Variants in GLG1 observed in about 807,000 individuals in gnomAD.
The protein encoded by GLG1 is golgi glycoprotein 1.
A neutral mutation model predicts 160.5 loss-of-function variants in GLG1; 38 were observed. That is an observed-to-expected ratio of 0.24 (90% CI 0.18 to 0.31). GLG1 has a LOEUF of 0.31. GLG1 is among the 10% of genes least tolerant of loss of function. GLG1 has a pLI of 1.00. For synonymous variants in GLG1, 644 were observed against 543.4 expected (o/e 1.19, Z -2.57); for missense variants, 1,373 against 1,505.2 (o/e 0.91, Z 1.45).
chr16:74,484,026 A>G (rs550902085), intron 9 of GLG1, among the ~76,000 whole-genome samples: 1 of 88,004 alleles, frequency 1.1e-5, no homozygotes, highest in Admixed American at 1.1e-4. Context: ...AGGTTAACTG[A>G]TAAGTATCTT....
intron 1 of GLG1, among the ~76,000 whole-genome samples, chr16:74,604,592 T>C (rs1718012098): frequency 6.6e-6 from 1 of 152,258 alleles, no homozygotes; most frequent in South Asian, 2.1e-4. Flanking sequence ...CACTATCAAA[T>C]AGTTCTACTT....
At chr16:74,550,787 T>A (rs1333087660) in intron 1 of GLG1, among the ~76,000 whole-genome samples, 1 of 152,132 alleles carries the variant, frequency 6.6e-6, no homozygotes, top group Non-Finnish European at 1.5e-5. Flanking sequence ...ATACTATAAA[T>A]ATAAAGGTGA....
At chr16:74,479,983 T>C (rs1044830410) in intron 11 of GLG1, among the ~76,000 whole-genome samples, 1 of 149,138 alleles carries the variant, frequency 6.7e-6, no homozygotes. Context: ...GTGATTCAGA[T>C]TTTGGGAATT....
intron 1 of GLG1, among the ~76,000 whole-genome samples, chr16:74,555,551 G>A (rs1296734147): frequency 1.3e-5 from 2 of 151,938 alleles, no homozygotes; most frequent in Non-Finnish European, 2.9e-5. Context: ...TTGGCCAGGT[G>A]TGGTGGTGTG....
chr16:74,520,251 T>G (rs1380550656), intron 2 of GLG1, among the ~76,000 whole-genome samples: 1 of 152,200 alleles, frequency 6.6e-6, no homozygotes, highest in African/African-American at 2.4e-5. Context: ...TGCTTTTCTC[T>G]CAGGCTGATT....
chr16:74,477,695 C>G (rs991404529), intron 11 of GLG1, among the ~76,000 whole-genome samples, 162 bp from the exon 12 acceptor site: 5 of 152,088 alleles, frequency 3.3e-5, no homozygotes, highest in African/African-American at 1.2e-4. Context: ...ATGTTGCGGC[C>G]AGGTGCGGTG....
At chr16:74,594,595 G>T (rs144776114) in intron 1 of GLG1, among the ~76,000 whole-genome samples, 2,983 of 152,188 alleles carry the variant, frequency 0.02, 37 homozygotes, top group Non-Finnish European at 0.03. Flanking sequence ...TCTATCTAAG[G>T]CAACCAAAAT....
chr16:74,594,700 C>T (rs984253498), intron 1 of GLG1, among the ~76,000 whole-genome samples: 2 of 152,052 alleles, frequency 1.3e-5, no homozygotes, highest in African/African-American at 4.8e-5. Flanking sequence ...ATTAGGCATT[C>T]GGAAGATGAA....
At chr16:74,524,697 G>C (rs1229261806) in intron 2 of GLG1, among the ~76,000 whole-genome samples, 1 of 152,174 alleles carries the variant, frequency 6.6e-6, no homozygotes, top group Non-Finnish European at 1.5e-5. Flanking sequence ...ATTTGAAGCT[G>C]TATGGTGATT....
chr16:74,588,606 A>G (rs1394090111), intron 1 of GLG1, among the ~76,000 whole-genome samples: 1 of 151,948 alleles, frequency 6.6e-6, no homozygotes, highest in Non-Finnish European at 1.5e-5. Flanking sequence ...TTTTGTAGAG[A>G]TGAGGTTTCG....
rs567570765 is a variant in GLG1, at chr16:74,450,299, T to G, written c.*2868A>C. The G allele has an allele frequency of 6.6e-6, 1 of 152,290 alleles. No homozygotes were observed. Among genetic ancestry groups the G allele is most frequent in the Non-Finnish European group, 1.5e-5 (1 of 68,100 alleles). The allele number at this position is 152,290 out of a possible 1,614,324, so 9.4% of individuals were successfully genotyped here. The stretch of plus-strand genomic sequence containing the variant: ...CTTTTCTTGACCATTTCTCAGCCAG[T>G]TGACTGACCTATAAGGCCAGGAACC... On this transcript the variant is annotated 3_prime_UTR_variant, in exon 26 of 26. Transcript: ENST00000422840.
chr16:74,576,857 G>C (rs1396917612), intron 1 of GLG1, among the ~76,000 whole-genome samples: 1 of 151,638 alleles, frequency 6.6e-6, no homozygotes, highest in African/African-American at 2.4e-5. Context: ...AGTAGCTGAA[G>C]AAATATTTTT....
chr16:74,458,034 G>A (rs1422753275), intron 23 of GLG1, 40 bp from the exon 24 acceptor site: 1 of 1,603,404 alleles, frequency 6.2e-7, no homozygotes, highest in Non-Finnish European at 8.5e-7. Context: ...CTTTTGAAGG[G>A]GAAATGCATC....
At chr16:74,581,675 T>A (rs2143822966) in intron 1 of GLG1, among the ~76,000 whole-genome samples, 2 of 152,118 alleles carry the variant, frequency 1.3e-5, no homozygotes, top group East Asian at 3.9e-4. Flanking sequence ...CCTCGGGATG[T>A]TGAGGCAGGC....
chr16:74,514,397 C>T (rs1390254092), intron 2 of GLG1, among the ~76,000 whole-genome samples: 8 of 152,170 alleles, frequency 5.3e-5, no homozygotes, highest in African/African-American at 1.7e-4. Flanking sequence ...AGAGAAAGGT[C>T]GGGTTACCCA....
chr16:74,601,000 A>G lies in GLG1; in HGVS notation c.438+5657T>C, dbSNP rs531036415. 2.6e-5 allele frequency among the ~76,000 whole-genome samples: 4 copies of G among 152,312 alleles called. No individual in the cohort carries two copies. In the East Asian group the frequency reaches 5.8e-4, roughly 22 times the overall value. On this transcript the variant is annotated intron_variant, in intron 1 of 25. Transcript: ENST00000422840. ...TCCACAATGATAGGTGTATAATAGA[A>G]GATCAATAATGACTTGATTATGTGG...
chr16:74,462,856 G>C, intron 20 of GLG1: 1 of 558,460 alleles, frequency 1.8e-6, no homozygotes. Context: ...TCTACTCTGC[G>C]GGGTTTTGTG....
intron 4 of GLG1, 104 bp from the exon 5 acceptor site, chr16:74,496,748 A>ACACACACAC: frequency 6.7e-6 from 5 of 740,832 alleles, no homozygotes; most frequent in South Asian, 1.6e-5. Context: ...ACACACACAC[A>ACACACACAC]AAGTAATAAA....
intron 7 of GLG1, 121 bp downstream of exon 7, chr16:74,492,836 A>C: frequency 1.9e-6 from 1 of 535,244 alleles, no homozygotes; most frequent in Non-Finnish European, 3.0e-6. Context: ...AAAAAAAAAA[A>C]AAAGAAAAAT....
Sources: gnomAD v4.1 joint callset for allele counts (sites outside exome capture counted in the v4.1 genomes callset) on GRCh38, gnomAD v4.1.1 for gene constraint, MANE v1.5 for transcripts, NCBI Gene and HGNC (gene_info 2026-07-23, HGNC 2026-07-21) for gene names.